The following RFX7 variants were observed in gnomAD, a reference collection of about 807,000 sequenced individuals.
RFX7 encodes DNA-binding protein RFX7.
RFX7 carries 26 observed loss-of-function variants against 111.8 expected under a neutral mutation model. The observed-to-expected ratio is 0.23, with a 90% CI of 0.17 to 0.32. RFX7 has a LOEUF of 0.32. RFX7 is among the 10% of genes least tolerant of loss of function. The probability of loss-of-function intolerance (pLI) is 1.00; values close to 1 mark genes in which losing one functional copy is unlikely to be tolerated. For synonymous variants in RFX7, 624 were observed against 624.4 expected (o/e 1.00, Z 0.01); for missense variants, 1,573 against 1,772.9 (o/e 0.89, Z 2.02).
chr15:56,207,259 T>TG (rs1808188804), intron 2 of RFX7, among the ~76,000 whole-genome samples: 1 of 152,138 alleles, frequency 6.6e-6, no homozygotes, highest in African/African-American at 2.4e-5. Context: ...ACTGTGGGTA[T>TG]CAGAGACTAG....
intron 2 of RFX7, among the ~76,000 whole-genome samples, chr15:56,234,798 A>C (rs535225058): frequency 2.4e-4 from 37 of 152,342 alleles, no homozygotes; most frequent in African/African-American, 8.7e-4. Context: ...ACTTTGTTTC[A>C]GATATATTCA....
At chr15:56,111,286 CA>C (rs1470537533) in intron 5 of RFX7, among the ~76,000 whole-genome samples, 1 of 151,394 alleles carries the variant, frequency 6.6e-6, no homozygotes, top group Non-Finnish European at 1.5e-5. Context: ...GGAGACTTTT[CA>C]TTTTGTTCTG....
chr15:56,146,376 A>T (rs1385832086), intron 3 of RFX7, among the ~76,000 whole-genome samples: 1 of 152,174 alleles, frequency 6.6e-6, no homozygotes, highest in Non-Finnish European at 1.5e-5. Context: ...CTGGGATGCT[A>T]GGTATGAACT....
intron 3 of RFX7, among the ~76,000 whole-genome samples, chr15:56,175,393 T>A (rs1040636780): frequency 2.0e-5 from 3 of 152,152 alleles, no homozygotes; most frequent in Non-Finnish European, 1.5e-5. Context: ...AAAATCCAAG[T>A]AGAACTTTTT....
At chr15:56,123,505 G>C (rs1260388121) in intron 5 of RFX7, among the ~76,000 whole-genome samples, 2 of 152,172 alleles carry the variant, frequency 1.3e-5, no homozygotes, top group Non-Finnish European at 2.9e-5. Context: ...GGTTCTTTCA[G>C]AGTTGCAAGC....
intron 5 of RFX7, among the ~76,000 whole-genome samples, chr15:56,136,547 T>A (rs1469014495): frequency 6.9e-6 from 1 of 144,806 alleles, no homozygotes; most frequent in African/African-American, 2.6e-5. Context: ...AGATATACAA[T>A]CATGTCGTCT....
At chr15:56,124,622 TTTTTCC>T (rs2042119739) in intron 5 of RFX7, among the ~76,000 whole-genome samples, 1 of 152,196 alleles carries the variant, frequency 6.6e-6, no homozygotes, top group Non-Finnish European at 1.5e-5. Context: ...ATGTTGAGCA[TTTTTCC>T]ACGTACCTAT....
At chr15:56,218,545 C>T (rs2043391515) in intron 2 of RFX7, among the ~76,000 whole-genome samples, 1 of 152,138 alleles carries the variant, frequency 6.6e-6, no homozygotes, top group Non-Finnish European at 1.5e-5. Flanking sequence ...GGTCCTGGAA[C>T]CAATTCCCCA....
chr15:56,218,193 T>G (rs1333343992), intron 2 of RFX7, among the ~76,000 whole-genome samples: 1 of 147,278 alleles, frequency 6.8e-6, no homozygotes. Context: ...TTGCTCTTGT[T>G]GCCCAGGCTG....
chr15:56,135,017 T>G (rs1489995771), intron 5 of RFX7, among the ~76,000 whole-genome samples: 39 of 152,220 alleles, frequency 2.6e-4, no homozygotes, highest in Non-Finnish European at 5.9e-5. Context: ...TCTATCATTG[T>G]TGGACATTTG....
intron 2 of RFX7, among the ~76,000 whole-genome samples, chr15:56,229,344 C>T (rs78333654): frequency 0.13 from 19,761 of 152,022 alleles, 1,662 homozygotes; most frequent in East Asian, 0.44. Context: ...CGGCTCACTG[C>T]GAGCTCCGCC....
In RFX7 at chr15:56,243,661, A is replaced by C. The variant is rs2043750905; in HGVS notation, c.-219T>G. ...GAAGTGGGGGGGGCAGGCTCCCCCCAAAATCCAAGAAGAACGGTTGCTCAG... is the reference window on the plus strand; with the variant it reads ...GAAGTGGGGGGGGCAGGCTCCCCCCCAAATCCAAGAAGAACGGTTGCTCAG... On this transcript the variant is annotated 5_prime_UTR_variant, in exon 1 of 10. Transcript: ENST00000559447. The C allele has an allele frequency of 6.5e-6, 1 of 154,802 alleles. No homozygotes were observed. The highest frequency in any genetic ancestry group is 2.4e-5 in the African/African-American group (1 of 41,222). 9.6% of individuals were successfully genotyped at this position (154,802 alleles called of 1,614,324 possible). A position where few individuals can be genotyped will look rare whatever the true frequency, so the allele number is the denominator to read the frequency against.
chr15:56,224,572 A>C (rs1192673888), intron 2 of RFX7, among the ~76,000 whole-genome samples: 2 of 151,812 alleles, frequency 1.3e-5, no homozygotes, highest in Non-Finnish European at 2.9e-5. Context: ...GAATTTACTA[A>C]CGTAGTTACA....
chr15:56,216,163 A>AT (rs1292524099), intron 2 of RFX7, among the ~76,000 whole-genome samples: 1 of 152,174 alleles, frequency 6.6e-6, no homozygotes, highest in Non-Finnish European at 1.5e-5. Flanking sequence ...TTGTAAACAT[A>AT]TTTTTTAACT....
chr15:56,230,025 C>A (rs2043532773), intron 2 of RFX7, among the ~76,000 whole-genome samples: 1 of 152,140 alleles, frequency 6.6e-6, no homozygotes, highest in Non-Finnish European at 1.5e-5. Context: ...CACCTTCAGG[C>A]TTTGGCCATA....
At chr15:56,176,645 C>G (rs1166933075) in intron 3 of RFX7, among the ~76,000 whole-genome samples, 2 of 152,100 alleles carry the variant, frequency 1.3e-5, no homozygotes. Context: ...TGAGAAAATT[C>G]ATTACACACA....
chr15:56,205,419 A>G (rs1243668291), intron 2 of RFX7, among the ~76,000 whole-genome samples: 1 of 152,144 alleles, frequency 6.6e-6, no homozygotes, highest in Non-Finnish European at 1.5e-5. Flanking sequence ...AAATCTGTAA[A>G]ATGTCTTTAT....
At chr15:56,130,805 C>G (rs2042201713) in intron 5 of RFX7, among the ~76,000 whole-genome samples, 1 of 151,662 alleles carries the variant, frequency 6.6e-6, no homozygotes, top group Non-Finnish European at 1.5e-5. Flanking sequence ...ATGTACAAAA[C>G]TAGAAATATC....
intron 3 of RFX7, among the ~76,000 whole-genome samples, chr15:56,174,744 C>A (rs1471201343): frequency 6.6e-6 from 1 of 151,562 alleles, no homozygotes; most frequent in Non-Finnish European, 1.5e-5. Context: ...CAGACTCCGT[C>A]TAAGAAAAAT....
Sources: gnomAD v4.1 joint callset for allele counts (sites outside exome capture counted in the v4.1 genomes callset) on GRCh38, gnomAD v4.1.1 for gene constraint, MANE v1.5 for transcripts, NCBI Gene and HGNC (gene_info 2026-07-23, HGNC 2026-07-21) for gene names.